The following TTC7A variants were observed in gnomAD, a reference collection of about 807,000 sequenced individuals.
TTC7A encodes the protein tetratricopeptide repeat domain 7A, also known as tetratricopeptide repeat protein 7A.
A neutral mutation model predicts 103.7 loss-of-function variants in TTC7A; 110 were observed. The ratio of observed to expected loss-of-function variants is 1.06; its 90% confidence interval spans 0.91 to 1.24. The LOEUF (loss-of-function observed/expected upper bound fraction) is 1.24. TTC7A is among the 50% of genes most tolerant of loss of function. TTC7A has a pLI of 0.00. For missense variants in TTC7A, 1,340 were observed against 1,116.3 expected (o/e 1.20, Z -2.86); for synonymous variants, 521 against 467.9 (o/e 1.11, Z -1.47).
intron 10 of TTC7A, 97 bp from the exon 11 acceptor site, chr2:47,011,234 C>T (rs373646834): frequency 7.8e-6 from 9 of 1,155,556 alleles, no homozygotes; most frequent in Non-Finnish European, 7.4e-6. Flanking sequence ...CAAAGGGATA[C>T]AGAGCAAGGC....
At chr2:46,920,654 A>G (rs1329082241) in intron 2 of TTC7A, among the ~76,000 whole-genome samples, 2 of 151,848 alleles carry the variant, frequency 1.3e-5, no homozygotes, top group African/African-American at 4.8e-5. Context: ...TTTTTGAAAA[A>G]AAAAAAAAAT....
At chr2:47,073,107 G>C (rs1684910864) in intron 19 of TTC7A, among the ~76,000 whole-genome samples, 1 of 152,076 alleles carries the variant, frequency 6.6e-6, no homozygotes, top group Non-Finnish European at 1.5e-5. Flanking sequence ...CTCTCCTGAG[G>C]AGCCACCGCA....
chr2:46,933,887 G>A (rs1669834221), intron 2 of TTC7A, among the ~76,000 whole-genome samples: 1 of 152,136 alleles, frequency 6.6e-6, no homozygotes, highest in African/African-American at 2.4e-5. Context: ...GGGAACACAG[G>A]GCTCTAAGGG....
At chr2:47,047,117 C>T in intron 16 of TTC7A, 2 of 614,922 alleles carry the variant, frequency 3.3e-6, no homozygotes, top group Non-Finnish European at 5.9e-6. Flanking sequence ...CTAGGCTTAG[C>T]CTATGTGGCC....
intron 10 of TTC7A, among the ~76,000 whole-genome samples, chr2:47,009,916 G>A (rs1384026902): frequency 2.2e-5 from 3 of 133,434 alleles, no homozygotes; most frequent in Non-Finnish European, 4.9e-5. Context: ...TGGTGGGGGG[G>A]ACAGGGGAGG....
At chr2:47,000,862 A>G (rs1027015520) in intron 8 of TTC7A, among the ~76,000 whole-genome samples, 1 of 152,166 alleles carries the variant, frequency 6.6e-6, no homozygotes, top group Non-Finnish European at 1.5e-5. Flanking sequence ...AGCAGCACCC[A>G]GGGCCTGATG....
chr2:47,003,427 A>G (rs547298504), intron 8 of TTC7A, among the ~76,000 whole-genome samples: 2 of 152,100 alleles, frequency 1.3e-5, no homozygotes, highest in Non-Finnish European at 2.9e-5. Flanking sequence ...GAACTGCAGC[A>G]TGACCGAAGA....
At chr2:47,064,422 A>T (rs1274689307) in intron 19 of TTC7A, among the ~76,000 whole-genome samples, 1 of 152,226 alleles carries the variant, frequency 6.6e-6, no homozygotes, top group African/African-American at 2.4e-5. Flanking sequence ...AATTCTAGCC[A>T]AGAAGGGGAA....
rs1042596386 is a variant in TTC7A at position 47,050,110 on chromosome 2, G to T, written c.2017+64G>T. ...CACAGCTCACACTCCCAGCTTGAGA[G>T]CACCAACACAGAGAGGGGCCGGGCC... On this transcript the variant is annotated intron_variant, in intron 17 of 19. Transcript: ENST00000319190. The T allele has an allele frequency of 3.6e-6, 5 of 1,384,646 alleles. No homozygotes were observed. The African/African-American group carries it at 4.3e-5, about 12-fold the overall frequency. The allele number at this position is 1,384,646 out of a possible 1,614,324, so 85.8% of individuals were successfully genotyped here.
chr2:46,986,722 A>G (rs568992899), intron 5 of TTC7A, among the ~76,000 whole-genome samples: 1 of 152,288 alleles, frequency 6.6e-6, no homozygotes, highest in East Asian at 1.9e-4. Flanking sequence ...CAGCGAGACT[A>G]AGGAGACCCT....
chr2:46,995,264 C>G, intron 8 of TTC7A, 65 bp downstream of exon 8: 1 of 1,557,814 alleles, frequency 6.4e-7, no homozygotes, highest in Non-Finnish European at 8.8e-7. Flanking sequence ...GGCTGTGGGG[C>G]CCAGGTACAG....
intron 18 of TTC7A, chr2:47,054,061 A>C: frequency 1.0e-6 from 1 of 961,642 alleles, no homozygotes. Context: ...TTTGCACATG[A>C]GCCTTTCTTC....
At chr2:46,973,356 A>G (rs1212683334) in intron 3 of TTC7A, among the ~76,000 whole-genome samples, 1 of 152,212 alleles carries the variant, frequency 6.6e-6, no homozygotes, top group Non-Finnish European at 1.5e-5. Flanking sequence ...GAGAGGAAAA[A>G]GTAGAGTGGC....
chr2:46,929,420 G>GCTGCA (rs888386838), intron 2 of TTC7A, among the ~76,000 whole-genome samples: 2 of 152,114 alleles, frequency 1.3e-5, no homozygotes, highest in African/African-American at 4.8e-5. Flanking sequence ...GAAGTTTGGG[G>GCTGCA]CTGCAGTGAG....
intron 2 of TTC7A, among the ~76,000 whole-genome samples, chr2:46,917,561 C>G (rs930985701): frequency 6.6e-6 from 1 of 152,234 alleles, no homozygotes; most frequent in African/African-American, 2.4e-5. Context: ...AAGCTGGTGT[C>G]TGGTAGATGG....
intron 8 of TTC7A, among the ~76,000 whole-genome samples, chr2:47,005,544 A>G (rs188789616): frequency 6.6e-6 from 1 of 152,340 alleles, no homozygotes; most frequent in African/African-American, 2.4e-5. Flanking sequence ...AATACAAGGT[A>G]TGATCCTGGA....
At chr2:46,940,095 C>T (rs1424812033), upstream of TTC7A, among the ~76,000 whole-genome samples, 1 of 152,056 alleles carries the variant, frequency 6.6e-6, no homozygotes, top group Non-Finnish European at 1.5e-5. The surrounding 1 kb of genome is among the most constrained non-coding windows in gnomAD (Gnocchi z 4.7). Context: ...AACTAATCAC[C>T]CTGTGTGGCT....
rs529661837 is a variant in TTC7A at position 47,028,038 on chromosome 2, G to T, written c.1642-1186G>T. Among the ~76,000 whole-genome samples the T allele has an allele frequency of 4.6e-5, 7 of 152,338 alleles. No individual in the cohort carries two copies. In the East Asian group the frequency reaches 1.3e-3, roughly 29 times the overall value. ...AACCTCCACAGCTGAATGTAGATGG[G>T]TCTGGGGAGGTAGAATCGGAGGCAA... On this transcript the variant is annotated intron_variant, in intron 14 of 19. Coordinates refer to ENST00000319190, the MANE Select transcript of TTC7A (RefSeq NM_020458.4).
chr2:46,956,582 G>C (rs1036017540), intron 2 of TTC7A: 3 of 488,160 alleles, frequency 6.1e-6, no homozygotes, highest in Non-Finnish European at 1.1e-5. Flanking sequence ...CTGGAGTCTT[G>C]CTGGGGGCAT....
Sources: allele counts gnomAD v4.1 joint callset (sites outside exome capture counted in the v4.1 genomes callset), GRCh38; gene constraint gnomAD v4.1.1; non-coding constraint Gnocchi (gnomAD v3.1); transcripts MANE v1.5; gene names NCBI Gene and HGNC (gene_info 2026-07-23, HGNC 2026-07-21).